Variants in LRP6 observed in about 807,000 individuals in gnomAD.
LRP6 encodes the protein low-density lipoprotein receptor-related protein 6.
In LRP6, 43 loss-of-function variants were observed where a neutral mutation model predicts 184.1. The observed-to-expected ratio is 0.23, with a 90% confidence interval of 0.18 to 0.30. The LOEUF (loss-of-function observed/expected upper bound fraction) is 0.30. Ranked by LOEUF, LRP6 falls within the 10% of genes least tolerant of loss-of-function variation. The pLI is 1.00. For synonymous variants in LRP6, 719 were observed against 684.9 expected (o/e 1.05, Z -0.78); for missense variants, 1,571 against 2,005.3 (o/e 0.78, Z 4.14).
At chr12:12,259,851 A>G (rs1865568732) in intron 1 of LRP6, among the ~76,000 whole-genome samples, 1 of 152,222 alleles carries the variant, frequency 6.6e-6, no homozygotes, top group Non-Finnish European at 1.5e-5. Context: ...CCTTATCCGA[A>G]GTGAAAACAT....
At position 12,161,837 on chromosome 12, in the gene LRP6, G is replaced by T. The variant is rs375497533; in HGVS notation, c.2279+356C>A. ...CTTAGCTCACAACATTGTTTCGGTG[G>T]GTTTACTTCAATAGGCTTGGAATCT... On this transcript the variant is annotated intron_variant, in intron 10 of 22. Coordinates refer to ENST00000261349, the MANE Select transcript of LRP6 (RefSeq NM_002336.3). Among the ~76,000 whole-genome samples, 6 of 151,578 alleles carry T rather than the reference G, an allele frequency of 4.0e-5. No individual in the cohort carries two copies. The East Asian group carries it at 9.7e-4, about 24-fold the overall frequency.
chr12:12,140,608 T>C (rs1949917134), intron 15 of LRP6, among the ~76,000 whole-genome samples: 1 of 145,818 alleles, frequency 6.9e-6, no homozygotes, highest in Non-Finnish European at 1.5e-5. Flanking sequence ...TAAAAATCTT[T>C]TTTTTTTTTT....
At position 12,131,866 on chromosome 12, in the gene LRP6, C is replaced by T. The variant is rs1949763690; in HGVS notation, c.3925G>A (p.Gly1309Arg). 2 of 1,614,186 alleles carry T rather than the reference C, an allele frequency of 1.2e-6. No individual in the cohort carries two copies. The highest frequency in any genetic ancestry group is 1.3e-5 in the African/African-American group (1 of 75,050). ...GATTTGTCCTGGCAGTTTGCATCTC[C>T]ATTGCATCGGAGGGCACCATCAATA... Reference protein sequence around the residue: ...QCIDGALRCNGDANCQDKSDE... With the variant: ...QCIDGALRCNRDANCQDKSDE... Residue 1309 changes from glycine (G) to arginine (R), a missense_variant, in exon 18 of 23, where the codon GGA becomes AGA. Around this residue, in one of 4 missense-constraint regions of LRP6, gnomAD observed 763 missense variants for 859.5 expected, o/e 0.89. Transcript: ENST00000261349.
chr12:12,210,289 A>C (rs1020793585), intron 2 of LRP6, among the ~76,000 whole-genome samples: 5 of 152,330 alleles, frequency 3.3e-5, no homozygotes, highest in African/African-American at 9.6e-5. Flanking sequence ...AGGATAGACT[A>C]GGATGGCTCC....
chr12:12,124,624 T>G lies in LRP6; in HGVS notation c.4488A>C (p.Ser1496=). The G allele has an allele frequency of 6.2e-7, 1 of 1,613,790 alleles. No homozygotes were observed. Among genetic ancestry groups the G allele is most frequent in the Non-Finnish European group, 8.5e-7 (1 of 1,179,760 alleles). The change falls in exon 22 of 23, where the codon TCA becomes TCC. Residue 1496 remains serine (S), a synonymous_variant. Transcript: ENST00000261349. Reference sequence around the variant, plus strand: ...AATATCCAAATTCCATAGTGTAATGTGATCGCTCTGTGGCTGGGGATGGTG... The same window carrying G: ...AATATCCAAATTCCATAGTGTAATGGGATCGCTCTGTGGCTGGGGATGGTG... ...NPPPSPATER[S]HYTMEFGYSS...
chr12:12,266,544 C>A (rs1462170890), intron 1 of LRP6, 137 bp downstream of exon 1: 1 of 790,096 alleles, frequency 1.3e-6, no homozygotes. Flanking sequence ...CCTTTCTCTC[C>A]CCCTCCCCAC....
chr12:12,209,671 T>C (rs1260725595), intron 2 of LRP6, among the ~76,000 whole-genome samples: 1 of 152,144 alleles, frequency 6.6e-6, no homozygotes, highest in African/African-American at 2.4e-5. Flanking sequence ...ACACAGAAAA[T>C]TTTTAAAAAG....
At chr12:12,153,228 C>A (rs989299788) in intron 12 of LRP6, among the ~76,000 whole-genome samples, 5 of 152,196 alleles carry the variant, frequency 3.3e-5, no homozygotes, top group Middle Eastern at 6.8e-3. Context: ...GTGGTTCATG[C>A]CTGTAATACT....
At chr12:12,229,243 G>A (rs906120418) in intron 2 of LRP6, among the ~76,000 whole-genome samples, 1 of 151,920 alleles carries the variant, frequency 6.6e-6, no homozygotes, top group Admixed American at 6.6e-5. Context: ...GGTGGCACAT[G>A]CCTGTAATCC....
intron 7 of LRP6, among the ~76,000 whole-genome samples, chr12:12,173,683 C>G (rs1863103878): frequency 6.6e-6 from 1 of 152,016 alleles, no homozygotes; most frequent in Non-Finnish European, 1.5e-5. Context: ...CACTATATTA[C>G]CCAGGCTGGT....
At chr12:12,245,996 C>CTTTTTTTTTT in intron 1 of LRP6, among the ~76,000 whole-genome samples, 1 of 90,186 alleles carries the variant, frequency 1.1e-5, no homozygotes, top group Non-Finnish European at 2.1e-5. Flanking sequence ...TTTATATAAA[C>CTTTTTTTTTT]TTTTTTTTTT....
At chr12:12,255,743 A>AT (rs973562133) in intron 1 of LRP6, among the ~76,000 whole-genome samples, 12 of 150,596 alleles carry the variant, frequency 8.0e-5, no homozygotes, top group African/African-American at 2.2e-4. Context: ...ATTTTTTTGG[A>AT]TTTTTTTTGT....
chr12:12,140,995 C>A lies in LRP6; in HGVS notation c.3398-2461G>T, dbSNP rs557269957. ...CCATGCTAAATTTTATTTATTCCAGCAAACTGAGAAAAGAAGTTAAATTCC... is the reference window on the plus strand; with the variant it reads ...CCATGCTAAATTTTATTTATTCCAGAAAACTGAGAAAAGAAGTTAAATTCC... On this transcript the variant is annotated intron_variant, in intron 15 of 22. Coordinates refer to ENST00000261349, the MANE Select transcript of LRP6 (RefSeq NM_002336.3). Among the ~76,000 whole-genome samples, 9 of 152,222 alleles carry A rather than the reference C, an allele frequency of 5.9e-5. No individual in the cohort carries two copies. In the South Asian group the frequency reaches 1.9e-3, roughly 32 times the overall value.
intron 15 of LRP6, among the ~76,000 whole-genome samples, chr12:12,141,039 T>C (rs759104923): frequency 6.6e-6 from 1 of 152,116 alleles, no homozygotes; most frequent in Non-Finnish European, 1.5e-5. Context: ...ACAAAGGTTA[T>C]CTACAGAAAA....
chr12:12,167,970 C>G (rs1401926093), intron 7 of LRP6, among the ~76,000 whole-genome samples: 1 of 152,184 alleles, frequency 6.6e-6, no homozygotes, highest in Non-Finnish European at 1.5e-5. Context: ...GGAAACTACA[C>G]AGCTACAGCC....
intron 16 of LRP6, 24 bp from the exon 17 acceptor site, chr12:12,135,324 G>C: frequency 6.3e-7 from 1 of 1,575,450 alleles, no homozygotes; most frequent in Non-Finnish European, 8.7e-7. Context: ...AGGTGAGGAT[G>C]GGGAGAGGAG....
intron 2 of LRP6, among the ~76,000 whole-genome samples, chr12:12,239,828 G>GA (rs1303554169): frequency 6.6e-6 from 1 of 151,808 alleles, no homozygotes; most frequent in African/African-American, 2.4e-5. Context: ...TTATGTAAAG[G>GA]CATTCAGTTA....
chr12:12,147,521 G>T lies in LRP6; in HGVS notation c.3242C>A (p.Pro1081His), dbSNP rs1425191427. 2 of 1,613,874 alleles carry T rather than the reference G, an allele frequency of 1.2e-6. No homozygotes were observed. Among genetic ancestry groups the T allele is most frequent in the Non-Finnish European group, 1.7e-6 (2 of 1,179,972 alleles). Residue 1081 changes from proline to histidine, a missense_variant, in exon 15 of 23, where the codon CCT becomes CAT. Physicochemically the swap from Pro to His is moderately conservative, Grantham distance 77. Around this residue, in one of 4 missense-constraint regions of LRP6, gnomAD observed 763 missense variants for 859.5 expected, o/e 0.89. Transcript: ENST00000261349. Reference protein sequence around the residue: ...MYFTNLQERSPKIERAALDGT... With the variant: ...MYFTNLQERSHKIERAALDGT... ...ATCCAAAGCAGCCCGTTCAATTTTA[G>T]GAGACCTTTCCTGAAGATTGGTAAA...
At chr12:12,130,734 T>G in intron 19 of LRP6, 49 bp downstream of exon 19, 1 of 1,163,250 alleles carries the variant, frequency 8.6e-7, no homozygotes, top group African/African-American at 1.5e-5. Flanking sequence ...GAAAAAAAAT[T>G]GTTTAAATTC....
Sources: gnomAD v4.1 joint callset for allele counts (sites outside exome capture counted in the v4.1 genomes callset) on GRCh38, gnomAD v4.1.1 for gene constraint, gnomAD v4.1.1 regional missense constraint, MANE v1.5 for transcripts, NCBI Gene and HGNC (gene_info 2026-07-23, HGNC 2026-07-21) for gene names.